Variants in CNTN3 observed in about 807,000 individuals in gnomAD.
CNTN3 encodes contactin 3, also known as contactin-3.
Under a neutral mutation model 119.1 loss-of-function variants are expected in CNTN3, and 60 were observed. The ratio of observed to expected loss-of-function variants is 0.50; its 90% CI spans 0.41 to 0.62. CNTN3 has a LOEUF of 0.62. CNTN3 is among the 20% of genes least tolerant of loss of function. CNTN3 has a pLI of 0.00. For missense variants in CNTN3, 1,101 were observed against 1,242.4 expected (o/e 0.89, Z 1.71); for synonymous variants, 450 against 438.7 (o/e 1.03, Z -0.32).
chr3:74,487,983 CATT>C (rs1248167221), intron 3 of CNTN3, among the ~76,000 whole-genome samples: 5 of 141,714 alleles, frequency 3.5e-5, no homozygotes, highest in African/African-American at 5.5e-5. Flanking sequence ...AATATATAAT[CATT>C]ATACATAATT....
At chr3:74,584,870 C>A (rs1704568858) in intron 1 of CNTN3, among the ~76,000 whole-genome samples, 1 of 152,048 alleles carries the variant, frequency 6.6e-6, no homozygotes, top group Admixed American at 6.6e-5. Flanking sequence ...GCCAGGATTT[C>A]GATCTTATCA....
intron 5 of CNTN3, among the ~76,000 whole-genome samples, chr3:74,392,077 G>T (rs1704926768): frequency 6.6e-6 from 1 of 151,930 alleles, no homozygotes; most frequent in Admixed American, 6.6e-5. Context: ...GAGAAGTGAT[G>T]CAAAAAGGGA....
At chr3:74,334,941 G>T in intron 12 of CNTN3, 31 bp from the exon 13 acceptor site, 6 of 1,564,692 alleles carry the variant, frequency 3.8e-6, no homozygotes, top group Non-Finnish European at 5.3e-6. Flanking sequence ...CAGAAAAACA[G>T]CATTTTATTG....
chr3:74,472,842 C>T, intron 4 of CNTN3, among the ~76,000 whole-genome samples: 1 of 152,134 alleles, frequency 6.6e-6, no homozygotes, highest in Non-Finnish European at 1.5e-5. Context: ...TTTTTAGCCA[C>T]ACTAGTTAGT....
chr3:74,554,888 T>G (rs921918165), intron 1 of CNTN3, among the ~76,000 whole-genome samples: 15 of 152,162 alleles, frequency 9.9e-5, no homozygotes, highest in African/African-American at 3.6e-4. Context: ...TCTCTTCCTA[T>G]CTGAATACCC....
At chr3:74,587,196 A>G (rs748688489) in intron 1 of CNTN3, among the ~76,000 whole-genome samples, 14 of 152,084 alleles carry the variant, frequency 9.2e-5, no homozygotes, top group Non-Finnish European at 2.1e-4. Flanking sequence ...GGAGGCAGGC[A>G]GTTAAGGATA....
At chr3:74,613,776 G>A (rs1022111156) in intron 1 of CNTN3, among the ~76,000 whole-genome samples, 1 of 152,182 alleles carries the variant, frequency 6.6e-6, no homozygotes, top group Non-Finnish European at 1.5e-5. Flanking sequence ...AGGCTCCTCA[G>A]AGAACACAGA....
intron 5 of CNTN3, among the ~76,000 whole-genome samples, chr3:74,375,723 G>A (rs1304362698): frequency 6.6e-6 from 1 of 152,158 alleles, no homozygotes; most frequent in Non-Finnish European, 1.5e-5. Flanking sequence ...GTGGCCACTG[G>A]AAGCCAGAAA....
intron 4 of CNTN3, among the ~76,000 whole-genome samples, chr3:74,447,451 G>T (rs1702069227): frequency 6.6e-6 from 1 of 152,194 alleles, no homozygotes; most frequent in African/African-American, 2.4e-5. Flanking sequence ...AGAGTGGAAG[G>T]TGGATCTGGA....
intron 2 of CNTN3, among the ~76,000 whole-genome samples, chr3:74,505,520 C>CACACAT (rs1703241792): frequency 7.4e-6 from 1 of 134,458 alleles, no homozygotes; most frequent in Non-Finnish European, 1.5e-5. Context: ...CACACACACA[C>CACACAT]ACACCACACA....
intron 11 of CNTN3, among the ~76,000 whole-genome samples, chr3:74,359,878 AAG>A (rs1296833814): frequency 6.6e-6 from 1 of 152,224 alleles, no homozygotes; most frequent in Non-Finnish European, 1.5e-5. Context: ...GTTCCATATG[AAG>A]AGTTAACTTC....
intron 13 of CNTN3, among the ~76,000 whole-genome samples, chr3:74,315,154 T>C (rs369770919): frequency 2.4e-4 from 36 of 152,302 alleles, no homozygotes; most frequent in African/African-American, 7.9e-4. Flanking sequence ...AGTTCACATA[T>C]GCCATGGCAA....
At position 74,301,453 on chromosome 3, in the gene CNTN3, T is replaced by G. The variant is rs1490074870; in HGVS notation, c.2040A>C (p.Lys680Asn). 8 of 1,614,158 alleles carry G rather than the reference T, an allele frequency of 5.0e-6. No homozygotes were observed. The highest frequency in any genetic ancestry group is 6.8e-6 in the Non-Finnish European group (8 of 1,180,002). The stretch of plus-strand genomic sequence containing the variant: ...GTAAACTTGGTTCTCCACCTCCAAT[T>G]TTGTTACTGGCTACAACCCGAAATT... ...EYEFRVVASN[K>N]IGGGEPSLPS... Residue 680 changes from lysine to asparagine, a missense_variant, in exon 16 of 23, where the codon AAA becomes AAC. Transcript: ENST00000263665.
chr3:74,564,664 A>T (rs1404749600), intron 1 of CNTN3, among the ~76,000 whole-genome samples: 1 of 151,794 alleles, frequency 6.6e-6, no homozygotes, highest in Non-Finnish European at 1.5e-5. Flanking sequence ...CAGTTCTAGT[A>T]CCTGGATCTT....
intron 3 of CNTN3, among the ~76,000 whole-genome samples, chr3:74,492,731 A>G (rs571365295): frequency 6.6e-6 from 1 of 152,200 alleles, no homozygotes; most frequent in African/African-American, 2.4e-5. Flanking sequence ...ACAAAGAACA[A>G]ACTATGTTTG....
At chr3:74,303,316 T>C (rs921849268) in intron 13 of CNTN3, among the ~76,000 whole-genome samples, 2 of 152,172 alleles carry the variant, frequency 1.3e-5, no homozygotes, top group African/African-American at 4.8e-5. Flanking sequence ...AGCTGTTTAA[T>C]TCCTTGGCTG....
At chr3:74,444,070 A>G (rs1309006036) in intron 4 of CNTN3, among the ~76,000 whole-genome samples, 3 of 152,004 alleles carry the variant, frequency 2.0e-5, no homozygotes, top group African/African-American at 4.8e-5. Flanking sequence ...TAGATGCATC[A>G]CTATAATCTC....
rs142913880 is a variant in CNTN3 at position 74,289,738 on chromosome 3, G to C, written c.2518-4247C>G. Among the ~76,000 whole-genome samples, 896 of 152,256 alleles carry C rather than the reference G, an allele frequency of 5.9e-3. 10 individuals carry two copies. The highest frequency in any genetic ancestry group is 0.012 in the South Asian group (59 of 4,822). On this transcript the variant is annotated intron_variant, in intron 19 of 22. Coordinates refer to ENST00000263665, the MANE Select transcript of CNTN3 (RefSeq NM_020872.3). The stretch of plus-strand genomic sequence containing the variant: ...TGGAGAGCTCGAACAACTTGCTCAA[G>C]GCCATACAGCAACAGGGTAGCAGAG...
chr3:74,426,555 T>C (rs1312902250), intron 4 of CNTN3, among the ~76,000 whole-genome samples: 2 of 152,164 alleles, frequency 1.3e-5, no homozygotes, highest in East Asian at 3.9e-4. Flanking sequence ...TTATTGTTAC[T>C]GAAAAATAGT....
Sources: allele counts gnomAD v4.1 joint callset (sites outside exome capture counted in the v4.1 genomes callset), GRCh38; gene constraint gnomAD v4.1.1; transcripts MANE v1.5; gene names NCBI Gene and HGNC (gene_info 2026-07-23, HGNC 2026-07-21).